Variants in MYO1B observed in about 807,000 individuals in gnomAD.
MYO1B encodes myosin IB, also known as unconventional myosin-Ib.
A neutral mutation model predicts 159.7 loss-of-function variants in MYO1B; 72 were observed. The observed-to-expected ratio is 0.45, with a 90% CI of 0.37 to 0.55. The LOEUF is 0.55. Among genes scored for constraint, MYO1B ranks in the 20% least tolerant of loss-of-function variants. The pLI is 0.00. For synonymous variants in MYO1B, 468 were observed against 473.8 expected, an observed-to-expected ratio of 0.99 and a Z score of 0.16; for missense variants, 1,062 against 1,364.8, an observed-to-expected ratio of 0.78 and a Z score of 3.50.
intron 6 of MYO1B, 92 bp from the exon 7 acceptor site, chr2:191,350,070 A>C: frequency 9.9e-7 from 1 of 1,006,452 alleles, no homozygotes; most frequent in Non-Finnish European, 1.5e-6. Flanking sequence ...CAAATGTATA[A>C]AAATAAGGGC....
At chr2:191,367,156 C>G (rs530798024) in intron 11 of MYO1B, among the ~76,000 whole-genome samples, 1 of 151,352 alleles carries the variant, frequency 6.6e-6, no homozygotes, top group African/African-American at 2.4e-5. Context: ...TTGAGTCTTC[C>G]CTCGTTTCTA....
chr2:191,260,910 A>T (rs1014902021), intron 1 of MYO1B, among the ~76,000 whole-genome samples: 1 of 152,186 alleles, frequency 6.6e-6, no homozygotes, highest in African/African-American at 2.4e-5. Context: ...TGGTAGTTGG[A>T]TATACTTTTG....
intron 13 of MYO1B, among the ~76,000 whole-genome samples, chr2:191,378,712 T>C (rs2126064232): frequency 6.6e-6 from 1 of 152,228 alleles, no homozygotes; most frequent in East Asian, 1.9e-4. Context: ...GGTAAAGCGT[T>C]GGGACGGCGA....
intron 2 of MYO1B, among the ~76,000 whole-genome samples, chr2:191,288,243 T>A (rs1688496112): frequency 6.9e-6 from 1 of 145,282 alleles, no homozygotes; most frequent in African/African-American, 2.5e-5. Flanking sequence ...TAGCTTAGCT[T>A]AAAAAAAAAA....
At chr2:191,290,660 T>G (rs1559143682) in intron 2 of MYO1B, among the ~76,000 whole-genome samples, 3 of 152,222 alleles carry the variant, frequency 2.0e-5, no homozygotes, top group Non-Finnish European at 2.9e-5. Context: ...AAATTTTATT[T>G]CTTATATATG....
intron 5 of MYO1B, among the ~76,000 whole-genome samples, chr2:191,343,005 G>A (rs1416007910): frequency 6.6e-6 from 1 of 152,168 alleles, no homozygotes; most frequent in African/African-American, 2.4e-5. Flanking sequence ...GTGTTGGACT[G>A]CTTACATGTT....
rs571631275 is a variant in MYO1B, at chr2:191,341,545, A to G, written c.431A>G (p.Gln144Arg). 1.5e-5 allele frequency: 24 copies of G among 1,613,908 alleles called. No homozygotes were observed. In the South Asian group the frequency reaches 2.1e-4, roughly 14 times the overall value. ...EVNQVKEQLLQSNPVLEAFGN... is the reference protein window; with the variant it reads ...EVNQVKEQLLRSNPVLEAFGN... ...AATCAAGTTAAAGAACAGCTTTTAC[A>G]GTCCAACCCGGTCCTGGAAGGTAGG... Residue 144 changes from glutamine to arginine, a missense_variant, in exon 5 of 31, where the codon CAG becomes CGG. This residue lies in a region of MYO1B where 415 missense variants were observed against 544.0 expected (regional missense o/e 0.76). Coordinates refer to ENST00000392318, the MANE Select transcript of MYO1B (RefSeq NM_001130158.3).
At chr2:191,248,782 G>A (rs10172845) in intron 1 of MYO1B, among the ~76,000 whole-genome samples, 82 of 152,200 alleles carry the variant, frequency 5.4e-4, no homozygotes, top group African/African-American at 1.9e-3. Context: ...TACTCTTTAG[G>A]TATATACTGT....
chr2:191,381,679 A>T (rs1574559990), intron 14 of MYO1B, 113 bp downstream of exon 14: 1 of 716,916 alleles, frequency 1.4e-6, no homozygotes, highest in Non-Finnish European at 2.3e-6. Context: ...TACATACTGT[A>T]TGATTCCATC....
chr2:191,282,583 A>G (rs1688126894), intron 2 of MYO1B, among the ~76,000 whole-genome samples: 2 of 152,248 alleles, frequency 1.3e-5, no homozygotes, highest in Non-Finnish European at 2.9e-5. Flanking sequence ...TTCTCCCTTC[A>G]GTACCACAGG....
intron 1 of MYO1B, among the ~76,000 whole-genome samples, chr2:191,248,214 A>G (rs901303207): frequency 6.6e-5 from 10 of 152,222 alleles, no homozygotes; most frequent in African/African-American, 2.4e-4. Flanking sequence ...TTTTACATAC[A>G]TTACTATATT....
intron 3 of MYO1B, among the ~76,000 whole-genome samples, chr2:191,323,915 G>GA (rs372909453): frequency 6.6e-6 from 1 of 151,584 alleles, no homozygotes; most frequent in Admixed American, 6.6e-5. Flanking sequence ...AACAGTCTTG[G>GA]AAAAAAAATG....
chr2:191,396,747 C>T (rs1377651073), intron 21 of MYO1B, among the ~76,000 whole-genome samples: 2 of 152,142 alleles, frequency 1.3e-5, no homozygotes, highest in Non-Finnish European at 2.9e-5. Context: ...GAAATAATAC[C>T]CGTACATGAT....
intron 3 of MYO1B, among the ~76,000 whole-genome samples, chr2:191,325,689 A>G (rs1007177043): frequency 2.6e-5 from 4 of 152,168 alleles, no homozygotes; most frequent in African/African-American, 9.7e-5. Context: ...GAGAACATGG[A>G]GCTTTGGGAA....
At chr2:191,416,282 AG>A in intron 30 of MYO1B, 40 bp downstream of exon 30, 1 of 1,612,530 alleles carries the variant, frequency 6.2e-7, no homozygotes, top group East Asian at 2.2e-5. Context: ...TTTCTCTTTC[AG>A]CTTTTTTGTT....
chr2:191,345,845 T>A (rs1692532869), intron 5 of MYO1B, among the ~76,000 whole-genome samples: 1 of 152,208 alleles, frequency 6.6e-6, no homozygotes, highest in Non-Finnish European at 1.5e-5. Flanking sequence ...CCATAAAGCC[T>A]TTGATAATAA....
chr2:191,255,891 G>A lies in MYO1B; in HGVS notation c.-10+10265G>A, dbSNP rs532906930. 8.1e-4 allele frequency among the ~76,000 whole-genome samples: 124 copies of A among 152,242 alleles called. 2 individuals are homozygous for A. Among genetic ancestry groups the A allele is most frequent in the Non-Finnish European group, 1.5e-3 (99 of 68,014 alleles). On this transcript the variant is annotated intron_variant, in intron 1 of 30. Transcript: ENST00000392318. ...TCTCCTGAGCTCTGCACTAATAGAC[G>A]GGGTCCTTTAAGGTCAGGTCAGGTC...
chr2:191,349,285 G>A (rs1288831168), intron 6 of MYO1B, among the ~76,000 whole-genome samples: 1 of 152,200 alleles, frequency 6.6e-6, no homozygotes, highest in Non-Finnish European at 1.5e-5. Flanking sequence ...AGGTGCAGGA[G>A]CATGCATAAG....
At position 191,317,349 on chromosome 2, in the gene MYO1B, G is replaced by GT. The variant is rs763228404; in HGVS notation, c.252-12585dup. ...ATATCAGCTGGAGACTGTAAGCAAG[G>GT]TAGGAGGGATAGGAGCAGCATATTC... On this transcript the variant is annotated intron_variant, in intron 3 of 30. Transcript: ENST00000392318. Among the ~76,000 whole-genome samples, 70 of 152,328 alleles carry GT rather than the reference G, an allele frequency of 4.6e-4. 1 individual carries two copies. Among genetic ancestry groups the GT allele is most frequent in the Non-Finnish European group, 9.7e-4 (66 of 68,036 alleles).
Sources: allele counts gnomAD v4.1 joint callset (sites outside exome capture counted in the v4.1 genomes callset), GRCh38; gene constraint gnomAD v4.1.1; regional missense constraint gnomAD v4.1.1; transcripts MANE v1.5; gene names NCBI Gene and HGNC (gene_info 2026-07-23, HGNC 2026-07-21).